The following TMCC3 variants were observed in gnomAD, a reference collection of about 807,000 sequenced individuals.
TMCC3 encodes the protein transmembrane and coiled-coil domain protein 3.
TMCC3 carries 28 observed loss-of-function variants against 40.2 expected under a neutral mutation model. The ratio of observed to expected loss-of-function variants is 0.70; its 90% CI spans 0.52 to 0.95. The LOEUF (loss-of-function observed/expected upper bound fraction) is 0.95, where lower values mean the gene tolerates loss of function less well. TMCC3 is among the 40% of genes least tolerant of loss of function. The pLI is 0.00. For synonymous variants in TMCC3, 255 were observed against 248.5 expected (o/e 1.03, Z -0.25); for missense variants, 554 against 615.2 (o/e 0.90, Z 1.05).
At chr12:94,601,247 G>A (rs1411422734) in intron 1 of TMCC3, among the ~76,000 whole-genome samples, 1 of 152,082 alleles carries the variant, frequency 6.6e-6, no homozygotes, top group Admixed American at 6.6e-5. Flanking sequence ...GGGCGCGGTG[G>A]CTCATGACTG....
chr12:94,593,264 G>A lies in TMCC3; in HGVS notation c.79-10726C>T, dbSNP rs1438869680. Among the ~76,000 whole-genome samples, 5 of 150,616 alleles carry A rather than the reference G, an allele frequency of 3.3e-5. No homozygotes were observed. The Admixed American group carries it at 3.3e-4, about 10-fold the overall frequency. On this transcript the variant is annotated intron_variant, in intron 1 of 3. Transcript: ENST00000261226. Reference sequence around the variant, plus strand: ...TGCCTGTAATCCCAGCTACTCAGGAGGCTGAGGCAGGAGAATCACTTGGAC... The same window carrying A: ...TGCCTGTAATCCCAGCTACTCAGGAAGCTGAGGCAGGAGAATCACTTGGAC...
Position 94,569,690 on chromosome 12 carries a change from A to G in TMCC3, c.*1745T>C, listed in dbSNP as rs1166088185. On this transcript the variant is annotated 3_prime_UTR_variant, in exon 4 of 4. Transcript: ENST00000261226. ...AGCTGCCTAAGTCCCGCTCACACAC[A>G]CTGGACTTGTACTAAATGCTCAACG... The G allele has an allele frequency of 6.6e-6, 1 of 152,166 alleles. No homozygotes were observed. Among genetic ancestry groups the G allele is most frequent in the Non-Finnish European group, 1.5e-5 (1 of 68,022 alleles). The allele number at this position is 152,166 out of a possible 1,614,324, so 9.4% of individuals were successfully genotyped here. A position where few individuals can be genotyped will look rare whatever the true frequency, so the allele number is the denominator to read the frequency against.
chr12:94,638,274 C>T (rs144299950), intron 1 of TMCC3, among the ~76,000 whole-genome samples: 6 of 152,246 alleles, frequency 3.9e-5, no homozygotes, highest in Admixed American at 6.5e-5. Flanking sequence ...AGCTGAGTCA[C>T]GTGGGACATG....
chr12:94,641,798 G>A (rs538093514), intron 1 of TMCC3, among the ~76,000 whole-genome samples: 42 of 152,132 alleles, frequency 2.8e-4, no homozygotes, highest in African/African-American at 9.9e-4. Context: ...TATGCATCTG[G>A]CATACTTTTT....
At chr12:94,619,789 C>T (rs183725819) in intron 1 of TMCC3, among the ~76,000 whole-genome samples, 2 of 152,290 alleles carry the variant, frequency 1.3e-5, no homozygotes, top group East Asian at 1.9e-4. Context: ...ACTTAAATCG[C>T]ATATCAATAG....
At position 94,581,919 on chromosome 12, in the gene TMCC3, T is replaced by C. The variant is rs768040897; in HGVS notation, c.698A>G (p.Glu233Gly). The change falls in exon 2 of 4, where the codon GAG becomes GGG. Residue 233 changes from glutamate (E) to glycine (G), a missense_variant. Coordinates refer to ENST00000261226, the MANE Select transcript of TMCC3 (RefSeq NM_020698.4). ...GCCCCCGTAGGCCCTGGCACTCGCC[T>C]CTGGCCTAAACTCCTCTAAGGAATT... ...LKNSLEEFRP[E>G]ASARAYGGSA... 3.1e-6 allele frequency: 5 copies of C among 1,614,134 alleles called. No individual in the cohort carries two copies. In the East Asian group the frequency reaches 1.1e-4, roughly 36 times the overall value.
intron 1 of TMCC3, among the ~76,000 whole-genome samples, chr12:94,606,617 C>T (rs547547255): frequency 4.6e-5 from 7 of 152,036 alleles, no homozygotes; most frequent in Admixed American, 6.6e-5. Flanking sequence ...AAGTGTCAGC[C>T]GGTCTGAGAA....
At chr12:94,582,623 A>G in intron 1 of TMCC3, 85 bp from the exon 2 acceptor site, 1 of 1,246,592 alleles carries the variant, frequency 8.0e-7, no homozygotes, top group Non-Finnish European at 1.1e-6. Context: ...TACAAGATAC[A>G]TACATGAAGT....
intron 1 of TMCC3, among the ~76,000 whole-genome samples, chr12:94,595,964 A>G (rs1019628461): frequency 1.3e-5 from 2 of 152,252 alleles, no homozygotes; most frequent in African/African-American, 4.8e-5. Flanking sequence ...TCGGCCTTCA[A>G]ATGAGGCCCT....
chr12:94,599,146 A>C (rs559325702), intron 1 of TMCC3, among the ~76,000 whole-genome samples: 1 of 152,194 alleles, frequency 6.6e-6, no homozygotes, highest in East Asian at 1.9e-4. Context: ...CTATGCTTTG[A>C]TTTTCTCATC....
At chr12:94,610,689 G>A (rs963976993) in intron 1 of TMCC3, among the ~76,000 whole-genome samples, 4 of 152,170 alleles carry the variant, frequency 2.6e-5, no homozygotes, top group Non-Finnish European at 4.4e-5. Context: ...AAATGGAAAC[G>A]GATCTGAATG....
chr12:94,611,282 C>T (rs2068814387), intron 1 of TMCC3, among the ~76,000 whole-genome samples: 1 of 152,220 alleles, frequency 6.6e-6, no homozygotes, highest in East Asian at 1.9e-4. Context: ...TTTTATGGGA[C>T]TAAGCTGGAA....
intron 1 of TMCC3, among the ~76,000 whole-genome samples, chr12:94,621,674 G>A (rs1465933648): frequency 6.6e-6 from 1 of 152,202 alleles, no homozygotes; most frequent in Non-Finnish European, 1.5e-5. Flanking sequence ...CAAGGCCCAA[G>A]AAGTTTAAGT....
In TMCC3 at chr12:94,568,724, G is replaced by A. The variant is rs974361212; in HGVS notation, c.*2711C>T. 1 of 152,130 alleles carries A rather than the reference G, an allele frequency of 6.6e-6. No homozygotes were observed. Among genetic ancestry groups the A allele is most frequent in the African/African-American group, 2.4e-5 (1 of 41,432 alleles). The allele number at this position is 152,130 out of a possible 1,614,324, so 9.4% of individuals were successfully genotyped here. ...TTCGAGTGTATCATCTTATTAAAAA[G>A]TACAAAGTTTCATGAACTTTCAACA... is the stretch of plus-strand genomic sequence containing the variant. On this transcript the variant is annotated 3_prime_UTR_variant, in exon 4 of 4. Coordinates refer to ENST00000261226, the MANE Select transcript of TMCC3 (RefSeq NM_020698.4).
chr12:94,628,201 G>C (rs1389008006), intron 1 of TMCC3, among the ~76,000 whole-genome samples: 1 of 152,148 alleles, frequency 6.6e-6, no homozygotes, highest in Non-Finnish European at 1.5e-5. Context: ...GGAGACATAG[G>C]TACCACTAAC....
intron 1 of TMCC3, among the ~76,000 whole-genome samples, chr12:94,605,905 T>C (rs1254056986): frequency 1.1e-4 from 17 of 152,086 alleles, no homozygotes; most frequent in Admixed American, 1.0e-3. Context: ...TTCTCCTGAA[T>C]GCAGGAAAGT....
chr12:94,575,424 A>G lies in TMCC3; in HGVS notation c.1131+2970T>C, dbSNP rs142848469. Among the ~76,000 whole-genome samples, 86 of 152,220 alleles carry G rather than the reference A, an allele frequency of 5.6e-4. 1 individual carries two copies. In the East Asian group the frequency reaches 0.016, roughly 28 times the overall value. Reference sequence around the variant, plus strand: ...TGAGGTAGAGCTCATTAATATTTCCATTTTATTAAGGAGGAAACTGAGGCA... The same window carrying G: ...TGAGGTAGAGCTCATTAATATTTCCGTTTTATTAAGGAGGAAACTGAGGCA... On this transcript the variant is annotated intron_variant, in intron 3 of 3. Coordinates refer to ENST00000261226, the MANE Select transcript of TMCC3 (RefSeq NM_020698.4).
chr12:94,604,844 G>C (rs1207400284), intron 1 of TMCC3, among the ~76,000 whole-genome samples: 1 of 149,286 alleles, frequency 6.7e-6, no homozygotes, highest in African/African-American at 2.5e-5. Flanking sequence ...AGTACTATAG[G>C]AACCAAGGGG....
rs778307513 is a variant in TMCC3, at chr12:94,582,163, AG to A, written c.453del (p.Ser152GlnfsTer9). ...AGGTGGTCTTTGGAAATGTCCTTTG[AG>A]CTCCTAGAGGCTCCATTCTGCTCGA... ...REIEQNGASR[S>X]SKDISKDHLK... On this transcript the variant is annotated frameshift_variant, in exon 2 of 4. Coordinates refer to ENST00000261226, the MANE Select transcript of TMCC3 (RefSeq NM_020698.4). LOFTEE classifies it high-confidence loss of function. 1.2e-6 allele frequency: 2 copies of A among 1,614,050 alleles called. No individual in the cohort carries two copies. Among genetic ancestry groups the A allele is most frequent in the Admixed American group, 3.3e-5 (2 of 60,008 alleles).
Sources: gnomAD v4.1 joint callset for allele counts (sites outside exome capture counted in the v4.1 genomes callset) on GRCh38, gnomAD v4.1.1 for gene constraint, MANE v1.5 for transcripts, NCBI Gene and HGNC (gene_info 2026-07-23, HGNC 2026-07-21) for gene names.